Variants in TRIM44 observed in about 807,000 individuals in gnomAD.
TRIM44 encodes tripartite motif containing 44.
In TRIM44, 13 loss-of-function variants were observed where a neutral mutation model predicts 37.4. That is an observed-to-expected ratio of 0.35 (90% CI 0.23 to 0.55). TRIM44 has a LOEUF of 0.55. Among genes scored for constraint, TRIM44 ranks in the 20% least tolerant of loss-of-function variants. TRIM44 has a pLI of 0.89. For synonymous variants in TRIM44, 175 were observed against 157.2 expected (o/e 1.11, Z -0.85); for missense variants, 426 against 437.2 (o/e 0.97, Z 0.23).
At chr11:35,705,321 T>TA (rs1173993989) in intron 2 of TRIM44, among the ~76,000 whole-genome samples, 2 of 152,254 alleles carry the variant, frequency 1.3e-5, no homozygotes, top group East Asian at 3.9e-4. Flanking sequence ...TGGGAGACTT[T>TA]AACACCCCAC....
chr11:35,804,074 G>A (rs1212969781), intron 4 of TRIM44, among the ~76,000 whole-genome samples: 1 of 151,944 alleles, frequency 6.6e-6, no homozygotes, highest in Non-Finnish European at 1.5e-5. Flanking sequence ...CAACTCCCGT[G>A]TTCATCTTAT....
chr11:35,674,235 C>CGTGTGTGTGTGT (rs113167193), intron 1 of TRIM44, among the ~76,000 whole-genome samples: 10,790 of 149,924 alleles, frequency 0.072, 510 homozygotes, highest in Admixed American at 0.17. Flanking sequence ...AGAGAATTTG[C>CGTGTGTGTGTGT]GTGTGTGTGT....
intron 4 of TRIM44, among the ~76,000 whole-genome samples, chr11:35,744,865 C>T (rs1590562796): frequency 6.6e-6 from 1 of 152,150 alleles, no homozygotes; most frequent in African/African-American, 2.4e-5. Context: ...ATAATGGCTT[C>T]CAACTCCATC....
Position 35,799,441 on chromosome 11 carries a change from A to G in TRIM44, c.1008-6917A>G, listed in dbSNP as rs375507128. Among the ~76,000 whole-genome samples, 5 of 152,210 alleles carry G rather than the reference A, an allele frequency of 3.3e-5. No individual in the cohort carries two copies. The South Asian group carries it at 6.2e-4, about 19-fold the overall frequency. On this transcript the variant is annotated intron_variant, in intron 4 of 4. Coordinates refer to ENST00000299413, the MANE Select transcript of TRIM44 (RefSeq NM_017583.6). ...TCAGGTCTGTATTTCTTCTTCTTCTATAGTAATCCTACTCATCTCTGGCAT... is the reference window on the plus strand; with the variant it reads ...TCAGGTCTGTATTTCTTCTTCTTCTGTAGTAATCCTACTCATCTCTGGCAT...
At chr11:35,802,265 A>G (rs757812233) in intron 4 of TRIM44, among the ~76,000 whole-genome samples, 1 of 152,218 alleles carries the variant, frequency 6.6e-6, no homozygotes, top group Non-Finnish European at 1.5e-5. Context: ...TAAAACACAC[A>G]GCCTTGCCAA....
chr11:35,718,955 G>A (rs192489037), intron 2 of TRIM44, among the ~76,000 whole-genome samples: 27 of 150,944 alleles, frequency 1.8e-4, no homozygotes, highest in African/African-American at 6.6e-4. Flanking sequence ...TTGTCTGGAT[G>A]TACCACAGTT....
intron 1 of TRIM44, among the ~76,000 whole-genome samples, chr11:35,668,810 C>G (rs1180115225): frequency 1.3e-5 from 2 of 152,146 alleles, no homozygotes; most frequent in African/African-American, 4.8e-5. Flanking sequence ...ATAGGTCTGT[C>G]TAGGTTGTCT....
chr11:35,798,371 CT>C (rs1433351503), intron 4 of TRIM44, among the ~76,000 whole-genome samples: 1 of 152,132 alleles, frequency 6.6e-6, no homozygotes, highest in African/African-American at 2.4e-5. Context: ...TGACTTTTCC[CT>C]TTGGCTTAGT....
At chr11:35,752,928 CTT>C (rs2133854162) in intron 4 of TRIM44, among the ~76,000 whole-genome samples, 1 of 152,304 alleles carries the variant, frequency 6.6e-6, no homozygotes, top group South Asian at 2.1e-4. Context: ...TATTTTCTTT[CTT>C]TTCCGCTAGA....
At chr11:35,731,112 A>G (rs1040081881) in intron 3 of TRIM44, among the ~76,000 whole-genome samples, 10 of 152,126 alleles carry the variant, frequency 6.6e-5, no homozygotes, top group Non-Finnish European at 1.0e-4. Flanking sequence ...TGCAGTGGCT[A>G]CAACCTCCAG....
chr11:35,694,485 G>A (rs772288701), intron 2 of TRIM44, among the ~76,000 whole-genome samples: 1 of 152,084 alleles, frequency 6.6e-6, no homozygotes, highest in Non-Finnish European at 1.5e-5. Context: ...CATGAATAAG[G>A]CTGGCTGCAA....
chr11:35,731,340 A>G (rs531375562), intron 3 of TRIM44, among the ~76,000 whole-genome samples: 3 of 152,214 alleles, frequency 2.0e-5, no homozygotes, highest in Non-Finnish European at 4.4e-5. Flanking sequence ...TGAAATGATC[A>G]TACGCATTTT....
chr11:35,719,446 G>T (rs1392078376), intron 2 of TRIM44, among the ~76,000 whole-genome samples: 2 of 152,010 alleles, frequency 1.3e-5, no homozygotes, highest in Non-Finnish European at 2.9e-5. Flanking sequence ...ATGGTTCTTA[G>T]TATATTTTAG....
chr11:35,699,667 C>A (rs1234090400), intron 2 of TRIM44, among the ~76,000 whole-genome samples: 1 of 151,502 alleles, frequency 6.6e-6, no homozygotes, highest in South Asian at 2.1e-4. Flanking sequence ...CAAATTGTCC[C>A]TGTTTGCAGA....
chr11:35,766,832 A>G (rs973768767), intron 4 of TRIM44, among the ~76,000 whole-genome samples: 2 of 152,210 alleles, frequency 1.3e-5, no homozygotes, highest in African/African-American at 4.8e-5. Flanking sequence ...CTCCCTGGAT[A>G]CTTACAAGGG....
At position 35,789,803 on chromosome 11, in the gene TRIM44, A is replaced by G. The variant is rs889821452; in HGVS notation, c.1008-16555A>G. Among the ~76,000 whole-genome samples the G allele has an allele frequency of 8.5e-5, 13 of 152,176 alleles. 1 individual carries two copies. In the South Asian group the frequency reaches 1.0e-3, roughly 12 times the overall value. On this transcript the variant is annotated intron_variant, in intron 4 of 4. Coordinates refer to ENST00000299413, the MANE Select transcript of TRIM44 (RefSeq NM_017583.6). The stretch of plus-strand genomic sequence containing the variant: ...CTGCCTGGGCCCTGCAATTGGGCCA[A>G]TGGTGAGCAAGTGCTTTCCAGGTAT...
chr11:35,786,453 C>G (rs182597173), intron 4 of TRIM44, among the ~76,000 whole-genome samples: 264 of 152,222 alleles, frequency 1.7e-3, no homozygotes, highest in Admixed American at 0.015. Context: ...CAGGAAAAGC[C>G]ACCACACAAT....
At chr11:35,733,566 A>G (rs12576967) in intron 3 of TRIM44, among the ~76,000 whole-genome samples, 48,733 of 151,920 alleles carry the variant, frequency 0.32, 7,989 homozygotes, top group East Asian at 0.38. Context: ...CACTCGCCCT[A>G]CTTCCCTCTA....
intron 4 of TRIM44, among the ~76,000 whole-genome samples, chr11:35,736,356 A>G (rs2938180): frequency 0.98 from 149,948 of 152,312 alleles, 73,815 homozygotes; most frequent in East Asian, 1. Flanking sequence ...CTTCAAAATA[A>G]ACCCTGAGGA....
Sources: allele counts gnomAD v4.1 joint callset (sites outside exome capture counted in the v4.1 genomes callset), GRCh38; gene constraint gnomAD v4.1.1; transcripts MANE v1.5; gene names NCBI Gene and HGNC (gene_info 2026-07-23, HGNC 2026-07-21).